Variants in MTMR9 observed in about 807,000 individuals in gnomAD.
MTMR9 encodes myotubularin-related protein 9.
MTMR9 carries 39 observed loss-of-function variants against 69.5 expected under a neutral mutation model. That is an observed-to-expected ratio of 0.56 (90% CI 0.43 to 0.73). The LOEUF (loss-of-function observed/expected upper bound fraction) is 0.73. MTMR9 is among the 30% of genes least tolerant of loss of function. The pLI is 0.00. For missense variants in MTMR9, 900 were observed against 671.2 expected (o/e 1.34, Z -3.77); for synonymous variants, 354 against 240.8 (o/e 1.47, Z -4.35).
intron 5 of MTMR9, among the ~76,000 whole-genome samples, chr8:11,309,132 C>G (rs1800088615): frequency 6.6e-6 from 1 of 152,126 alleles, no homozygotes; most frequent in Admixed American, 6.5e-5. Context: ...ACAGTGGGAT[C>G]CAAGCTGGGT....
chr8:11,284,854 C>G lies in MTMR9; in HGVS notation c.-35C>G. 6.4e-7 allele frequency: 1 copy of G among 1,558,274 alleles called. No homozygotes were observed. On this transcript the variant is annotated 5_prime_UTR_variant, in exon 1 of 10. Coordinates refer to ENST00000221086, the MANE Select transcript of MTMR9 (RefSeq NM_015458.4). The stretch of plus-strand genomic sequence containing the variant: ...GGCGGGGTAACCGCCTCGCACCTAC[C>G]GGGCTCGGTTCCCTGGCTCCGGCCG...
chr8:11,338,111 T>A, the MTMR9 span, among the ~76,000 whole-genome samples: 6 of 152,220 alleles, frequency 3.9e-5, no homozygotes, highest in Non-Finnish European at 8.8e-5. Context: ...GGAGACACTG[T>A]CCCATGACTC....
chr8:11,294,667 T>G (rs893010194), intron 1 of MTMR9: 1 of 152,038 alleles, frequency 6.6e-6, no homozygotes, highest in African/African-American at 2.4e-5. Context: ...TTTTTTGTAT[T>G]TTTAGCAGAG....
At chr8:11,322,379 T>C (rs1476006524) in intron 9 of MTMR9, among the ~76,000 whole-genome samples, 2 of 152,250 alleles carry the variant, frequency 1.3e-5, no homozygotes, top group East Asian at 3.8e-4. Context: ...TTTTGTGGGA[T>C]ATTTCTGAAG....
intron 2 of MTMR9, 75 bp downstream of exon 2, chr8:11,295,377 A>T: frequency 1.1e-6 from 1 of 881,270 alleles, no homozygotes; most frequent in Non-Finnish European, 1.9e-6. Flanking sequence ...CCATTTCTTC[A>T]TTAGATAATT....
the MTMR9 span, among the ~76,000 whole-genome samples, chr8:11,337,086 GT>G: frequency 6.6e-6 from 1 of 152,120 alleles, no homozygotes. Flanking sequence ...ACTGGGACTT[GT>G]CAGAGGCTAC....
intron 4 of MTMR9, 42 bp downstream of exon 4, chr8:11,305,056 G>T: frequency 6.3e-7 from 1 of 1,579,752 alleles, no homozygotes; most frequent in East Asian, 2.3e-5. Flanking sequence ...GAAAGGCTTG[G>T]GTTGGGGATC....
At chr8:11,294,500 C>CTTTTTTTTT (rs61227530) in intron 1 of MTMR9, among the ~76,000 whole-genome samples, 2,601 of 105,412 alleles carry the variant, frequency 0.025, 366 homozygotes, top group East Asian at 0.11. Flanking sequence ...AATACTTTCA[C>CTTTTTTTTT]TTTTTTTTTT....
chr8:11,285,096 C>T (rs1196746887), intron 1 of MTMR9, 26 bp downstream of exon 1: 7 of 1,529,594 alleles, frequency 4.6e-6, no homozygotes, highest in Non-Finnish European at 4.4e-6. Context: ...ACCCCAGCTC[C>T]GCAGGGAGCC....
At chr8:11,297,054 A>G (rs985685064) in intron 2 of MTMR9, among the ~76,000 whole-genome samples, 3 of 152,208 alleles carry the variant, frequency 2.0e-5, no homozygotes, top group South Asian at 2.1e-4. Context: ...ACTAAATTAT[A>G]TCAGTTAATC....
chr8:11,339,004 A>G, the MTMR9 span, among the ~76,000 whole-genome samples: 2 of 152,216 alleles, frequency 1.3e-5, no homozygotes, highest in Non-Finnish European at 1.5e-5. Flanking sequence ...CTTTTAGAGT[A>G]GGGTCATATA....
Position 11,306,427 on chromosome 8 carries a change from G to C in MTMR9, c.809+20G>C. ...TGAGAGGTAAAAGATTCCAAAGATAGTACAGACTCTTATTAGAAGCTAATT... is the reference window on the plus strand; with the variant it reads ...TGAGAGGTAAAAGATTCCAAAGATACTACAGACTCTTATTAGAAGCTAATT... On this transcript the variant is annotated intron_variant, in intron 5 of 9. Transcript: ENST00000221086. 1 of 1,605,466 alleles carries C rather than the reference G, an allele frequency of 6.2e-7. No individual in the cohort carries two copies. Among genetic ancestry groups the C allele is most frequent in the South Asian group, 1.1e-5 (1 of 90,888 alleles).
At chr8:11,294,883 C>A in intron 1 of MTMR9, 1 of 171,708 alleles carries the variant, frequency 5.8e-6, no homozygotes, top group Non-Finnish European at 1.2e-5. Flanking sequence ...AAATATCTCT[C>A]TACAAACACT....
chr8:11,291,963 C>CA (rs1428920438), intron 1 of MTMR9, among the ~76,000 whole-genome samples: 1 of 152,058 alleles, frequency 6.6e-6, no homozygotes, highest in Non-Finnish European at 1.5e-5. Flanking sequence ...GATATATGTA[C>CA]ACACCCTGAA....
chr8:11,300,113 C>T lies in MTMR9; in HGVS notation c.382C>T (p.Leu128Phe). 6.2e-7 allele frequency: 1 copy of T among 1,613,502 alleles called. No homozygotes were observed. Among genetic ancestry groups the T allele is most frequent in the Admixed American group, 1.7e-5 (1 of 59,994 alleles). Residue 128 changes from leucine to phenylalanine, a missense_variant, in exon 3 of 10, where the codon CTT (leucine) becomes TTT (phenylalanine). Leu to Phe is a conservative substitution (Grantham distance 22, BLOSUM62 0). Coordinates refer to ENST00000221086, the MANE Select transcript of MTMR9 (RefSeq NM_015458.4). ...GATAGAAGATGGCTGGCATTCCTTCCTTCCTGAGCAAGAATTTGAACTCTA... is the reference window on the plus strand; with the variant it reads ...GATAGAAGATGGCTGGCATTCCTTCTTTCCTGAGCAAGAATTTGAACTCTA... Reference protein sequence around the residue: ...EVIEDGWHSFLPEQEFELYSS... With the variant: ...EVIEDGWHSFFPEQEFELYSS...
chr8:11,289,736 A>G (rs1799314193), intron 1 of MTMR9, among the ~76,000 whole-genome samples: 1 of 152,140 alleles, frequency 6.6e-6, no homozygotes, highest in African/African-American at 2.4e-5. Context: ...CCTAACTGGG[A>G]TTATGTTGTA....
In MTMR9 at chr8:11,324,180, T is replaced by C. The variant is rs190869080; in HGVS notation, c.*1392T>C. ...CTGAACCCTGCTTTAGAGCTGTGTG[T>C]TGAGCTAAAAATATAATTTTTTAAA... On this transcript the variant is annotated 3_prime_UTR_variant, in exon 10 of 10. Coordinates refer to ENST00000221086, the MANE Select transcript of MTMR9 (RefSeq NM_015458.4). The C allele has an allele frequency of 4.6e-5, 7 of 152,324 alleles. No individual in the cohort carries two copies. Among genetic ancestry groups the C allele is most frequent in the Non-Finnish European group, 8.8e-5 (6 of 68,030 alleles). The allele number at this position is 152,324 out of a possible 1,614,324, so 9.4% of individuals were successfully genotyped here. A position where few individuals can be genotyped will look rare whatever the true frequency, so the allele number is the denominator to read the frequency against.
chr8:11,333,472 T>A, the MTMR9 span, among the ~76,000 whole-genome samples: 132 of 152,300 alleles, frequency 8.7e-4, no homozygotes, highest in East Asian at 5.8e-3. Flanking sequence ...AGGGATCTTG[T>A]TACTGCGAGA....
intron 1 of MTMR9, among the ~76,000 whole-genome samples, chr8:11,292,078 G>A (rs1234181167): frequency 1.3e-5 from 2 of 152,030 alleles, no homozygotes; most frequent in Non-Finnish European, 2.9e-5. Flanking sequence ...TCACAGATGA[G>A]TTTGCATTAT....
Sources: gnomAD v4.1 joint callset for allele counts (sites outside exome capture counted in the v4.1 genomes callset) on GRCh38, gnomAD v4.1.1 for gene constraint, MANE v1.5 for transcripts, NCBI Gene and HGNC (gene_info 2026-07-23, HGNC 2026-07-21) for gene names.